NUP205: variants seen among roughly 807,000 people sequenced by gnomAD.
The protein encoded by NUP205 is nucleoporin 205, also known as nuclear pore complex protein Nup205.
Under a neutral mutation model 253.8 loss-of-function variants are expected in NUP205, and 76 were observed. That is an observed-to-expected ratio of 0.30 (90% CI 0.25 to 0.36). NUP205 has a LOEUF of 0.36. Ranked by LOEUF, NUP205 falls within the 10% of genes least tolerant of loss-of-function variation. NUP205 has a pLI of 1.00. For missense variants in NUP205, 2,162 were observed against 2,425.5 expected (o/e 0.89, Z 2.28); for synonymous variants, 832 against 850.1 (o/e 0.98, Z 0.37).
rs749358738 is a variant in NUP205, at chr7:135,630,384, C to T, written c.4973C>T (p.Ala1658Val). The change falls in exon 35 of 43, where the codon GCA (alanine) becomes GTA (valine). Residue 1658 changes from alanine to valine, a missense_variant. Around this residue, in one of 5 missense-constraint regions of NUP205, gnomAD observed 1,144 missense variants for 1,280.9 expected, o/e 0.89. Coordinates refer to ENST00000285968, the MANE Select transcript of NUP205 (RefSeq NM_015135.3). ...FLISHSDTIQAILRCQDVSAG... is the reference protein window; with the variant it reads ...FLISHSDTIQVILRCQDVSAG... ...ATTTCACATTCTGATACCATACAAG[C>T]AATTCTGCGCTGTCAGGATGTTAGT... 1 of 1,607,022 alleles carries T rather than the reference C, an allele frequency of 6.2e-7. No homozygotes were observed. The highest frequency in any genetic ancestry group is 1.7e-5 in the Admixed American group (1 of 58,942).
chr7:135,637,079 ATATTG>A (rs935729843), intron 36 of NUP205, among the ~76,000 whole-genome samples: 5 of 152,238 alleles, frequency 3.3e-5, no homozygotes, highest in Non-Finnish European at 5.9e-5. Context: ...CTAAATCTGT[ATATTG>A]TATTACCAAT....
chr7:135,597,802 A>G (rs985829849), intron 14 of NUP205, 196 bp from the exon 15 acceptor site: 1 of 542,852 alleles, frequency 1.8e-6, no homozygotes, highest in Non-Finnish European at 3.2e-6. Flanking sequence ...AGTAAGTGGG[A>G]ATTTGGAGTT....
At chr7:135,616,541 T>G in intron 24 of NUP205, 114 bp from the exon 25 acceptor site, 1 of 525,770 alleles carries the variant, frequency 1.9e-6, no homozygotes, top group East Asian at 3.3e-5. Context: ...CAGGGCTCTT[T>G]GATGTAGAAA....
chr7:135,573,962 T>C (rs972269254), intron 3 of NUP205, 137 bp downstream of exon 3: 8 of 735,106 alleles, frequency 1.1e-5, no homozygotes, highest in South Asian at 4.2e-5. Context: ...TCAAAATATT[T>C]CCTTTTTTAA....
intron 7 of NUP205, among the ~76,000 whole-genome samples, chr7:135,580,167 A>T (rs1217668968): frequency 2.6e-5 from 4 of 152,234 alleles, no homozygotes; most frequent in Non-Finnish European, 5.9e-5. Flanking sequence ...AAGTATCAAC[A>T]GATTCTAGTA....
In NUP205 at chr7:135,643,250, C is replaced by T. The variant is rs1469273950; in HGVS notation, c.5451C>T (p.Tyr1817=). The T allele has an allele frequency of 6.2e-7, 1 of 1,614,078 alleles. No homozygotes were observed. Among genetic ancestry groups the T allele is most frequent in the Non-Finnish European group, 8.5e-7 (1 of 1,179,940 alleles). Reference sequence around the variant, plus strand: ...TGCCTGGTTTAGGCATTATCATCTACCTGCTGAAACAGAGTGCTAATGATT... The same window carrying T: ...TGCCTGGTTTAGGCATTATCATCTATCTGCTGAAACAGAGTGCTAATGATT... ...WRLPGLGIII[Y]LLKQSANDFF... is the part of the protein sequence containing the mutation. Residue 1817 remains tyrosine (Y), a synonymous_variant, in exon 39 of 43, where the codon TAC becomes TAT. Transcript: ENST00000285968.
At chr7:135,597,140 C>T (rs1008776997) in intron 13 of NUP205, 6 of 442,502 alleles carry the variant, frequency 1.4e-5, no homozygotes, top group Admixed American at 7.4e-5. Flanking sequence ...GTCTTGTGTG[C>T]TCTTAGAAAC....
chr7:135,646,109 G>T, intron 41 of NUP205, 49 bp from the exon 42 acceptor site: 1 of 1,178,282 alleles, frequency 8.5e-7, no homozygotes, highest in Non-Finnish European at 1.3e-6. Flanking sequence ...CCACTGTGTG[G>T]TAGATAGGTA....
chr7:135,601,520 A>T lies in NUP205; in HGVS notation c.2512+13A>T. The stretch of plus-strand genomic sequence containing the variant: ...GCCCCCTTTCCTGGTATATGCTTAA[A>T]AGCCTTCATGTCTTGCAAACAGCTT... On this transcript the variant is annotated intron_variant, in intron 17 of 42. Coordinates refer to ENST00000285968, the MANE Select transcript of NUP205 (RefSeq NM_015135.3). 1 of 1,605,454 alleles carries T rather than the reference A, an allele frequency of 6.2e-7. No individual in the cohort carries two copies. Among genetic ancestry groups the T allele is most frequent in the Non-Finnish European group, 8.5e-7 (1 of 1,177,616 alleles).
chr7:135,590,792 A>G (rs891412542), intron 10 of NUP205, among the ~76,000 whole-genome samples: 8 of 152,132 alleles, frequency 5.3e-5, no homozygotes, highest in Non-Finnish European at 1.2e-4. Flanking sequence ...TGGCCTCCCA[A>G]AGTGCTGGGA....
intron 10 of NUP205, among the ~76,000 whole-genome samples, chr7:135,590,996 G>C (rs1806615246): frequency 6.6e-6 from 1 of 152,164 alleles, no homozygotes; most frequent in African/African-American, 2.4e-5. Context: ...TTAAAGAACA[G>C]GAGTATGGGA....
chr7:135,583,759 A>G (rs1300859195), intron 7 of NUP205, among the ~76,000 whole-genome samples: 1 of 152,170 alleles, frequency 6.6e-6, no homozygotes, highest in Non-Finnish European at 1.5e-5. Context: ...ACCCTGTCTC[A>G]AAAAATAAAA....
At position 135,590,273 on chromosome 7, in the gene NUP205, A is replaced by G. The variant is rs553043577; in HGVS notation, c.1474-1177A>G. Among the ~76,000 whole-genome samples, 298 of 150,686 alleles carry G rather than the reference A, an allele frequency of 2.0e-3. 12 individuals carry two copies. The highest frequency in any genetic ancestry group is 3.0e-3 in the Non-Finnish European group (200 of 67,530). On this transcript the variant is annotated intron_variant, in intron 10 of 42. Coordinates refer to ENST00000285968, the MANE Select transcript of NUP205 (RefSeq NM_015135.3). The stretch of plus-strand genomic sequence containing the variant: ...ATTACAGGCACCCGCCATCATGCCC[A>G]GCTAACTTTTGTATTGTTTTAGTTG...
intron 11 of NUP205, 113 bp from the exon 12 acceptor site, chr7:135,592,874 G>T: frequency 1.3e-6 from 1 of 772,622 alleles, no homozygotes. Context: ...GTGACAGTGA[G>T]ACTCTATCTC....
intron 18 of NUP205, among the ~76,000 whole-genome samples, chr7:135,603,247 C>G (rs1046301723): frequency 2.6e-5 from 4 of 151,080 alleles, no homozygotes; most frequent in Non-Finnish European, 5.9e-5. Flanking sequence ...TCCTGAGTAG[C>G]TGGGATTACA....
intron 35 of NUP205, among the ~76,000 whole-genome samples, chr7:135,631,645 A>G (rs1419579162): frequency 2.0e-5 from 3 of 152,158 alleles, no homozygotes; most frequent in East Asian, 3.8e-4. Context: ...GTATATTTAC[A>G]TGGATTCACT....
At chr7:135,564,812 G>C (rs974138207) in intron 1 of NUP205, among the ~76,000 whole-genome samples, 2 of 151,770 alleles carry the variant, frequency 1.3e-5, no homozygotes, top group Admixed American at 6.6e-5. Flanking sequence ...CTGTCTTCCA[G>C]ACTGGAGTGC....
In NUP205 at chr7:135,626,331, A is replaced by G. The variant is rs1221181604; in HGVS notation, c.4763A>G (p.Tyr1588Cys). 4.3e-6 allele frequency: 7 copies of G among 1,614,078 alleles called. No individual in the cohort carries two copies. The highest frequency in any genetic ancestry group is 5.1e-6 in the Non-Finnish European group (6 of 1,180,030). The part of the protein sequence containing the change: ...VIVRLAQCQV[Y>C]DMRPETDPQS... ...GTGAGACTAGCTCAATGCCAAGTCT[A>G]TGACATGCGCCCAGAAACGGACCCG... The change falls in exon 33 of 43, where the codon TAT (tyrosine) becomes TGT (cysteine). Residue 1588 changes from tyrosine (Y) to cysteine (C), a missense_variant. Around this residue, in one of 5 missense-constraint regions of NUP205, gnomAD observed 1,144 missense variants for 1,280.9 expected, o/e 0.89. Transcript: ENST00000285968.
intron 7 of NUP205, 75 bp downstream of exon 7, chr7:135,578,990 A>G (rs1052733890): frequency 6.1e-6 from 7 of 1,147,090 alleles, no homozygotes; most frequent in Non-Finnish European, 7.4e-6. Flanking sequence ...AAGGAGTATT[A>G]TCTTTGACAT....
Sources: allele counts gnomAD v4.1 joint callset (sites outside exome capture counted in the v4.1 genomes callset), GRCh38; gene constraint gnomAD v4.1.1; regional missense constraint gnomAD v4.1.1; transcripts MANE v1.5; gene names NCBI Gene and HGNC (gene_info 2026-07-23, HGNC 2026-07-21).